ARHGEF3: variants seen among roughly 807,000 people sequenced by gnomAD.
The protein encoded by ARHGEF3 is Rho guanine nucleotide exchange factor 3, also known as 59.8 kDA protein.
A neutral mutation model predicts 63.2 loss-of-function variants in ARHGEF3; 28 were observed. That is an observed-to-expected ratio of 0.44 (90% CI 0.33 to 0.61). The LOEUF is 0.61. Among genes scored for constraint, ARHGEF3 ranks in the 20% least tolerant of loss-of-function variants. The probability of loss-of-function intolerance (pLI) is 0.03; values close to 1 mark genes in which losing one functional copy is unlikely to be tolerated. For synonymous variants in ARHGEF3, 266 were observed against 254.2 expected, an observed-to-expected ratio of 1.05 and a Z score of -0.44; for missense variants, 533 against 659.3, an observed-to-expected ratio of 0.81 and a Z score of 2.10.
At chr3:56,880,589 G>C (rs17057411) in intron 4 of ARHGEF3, among the ~76,000 whole-genome samples, 3,951 of 152,276 alleles carry the variant, frequency 0.026, 182 homozygotes, top group African/African-American at 0.089. Flanking sequence ...AGTCTTGCCT[G>C]AGTCATTACA....
At chr3:56,834,662 G>C (rs1444132413) in intron 4 of ARHGEF3, among the ~76,000 whole-genome samples, 1 of 151,280 alleles carries the variant, frequency 6.6e-6, no homozygotes, top group Admixed American at 6.6e-5. Flanking sequence ...CCTGAGGCAG[G>C]AGAGCTGCTT....
chr3:56,752,504 G>A (rs1421906963), intron 4 of ARHGEF3, among the ~76,000 whole-genome samples: 1 of 152,222 alleles, frequency 6.6e-6, no homozygotes, highest in Non-Finnish European at 1.5e-5. Flanking sequence ...TACAGAGAAG[G>A]AGGCAATAAA....
chr3:56,966,115 T>C (rs1700484483), intron 2 of ARHGEF3, among the ~76,000 whole-genome samples: 1 of 152,210 alleles, frequency 6.6e-6, no homozygotes, highest in Non-Finnish European at 1.5e-5. Context: ...GTCATATATA[T>C]GTAATAAAAA....
chr3:56,786,620 T>C (rs1236891456), intron 1 of ARHGEF3, among the ~76,000 whole-genome samples: 1 of 152,252 alleles, frequency 6.6e-6, no homozygotes, highest in South Asian at 2.1e-4. Flanking sequence ...ATCTGCAACC[T>C]TGAAACATAG....
chr3:56,971,796 G>C (rs1050580852), intron 2 of ARHGEF3, among the ~76,000 whole-genome samples: 1 of 152,020 alleles, frequency 6.6e-6, no homozygotes, highest in Non-Finnish European at 1.5e-5. Context: ...GGAGCTTGCA[G>C]TGAGCTGAGA....
intron 2 of ARHGEF3, among the ~76,000 whole-genome samples, chr3:57,017,065 CGA>C (rs72316020): frequency 0.011 from 1,685 of 148,820 alleles, 15 homozygotes; most frequent in South Asian, 0.019. Flanking sequence ...CACACACACA[CGA>C]GTCACCAAAC....
At chr3:56,929,568 T>C (rs1276982797) in intron 3 of ARHGEF3, among the ~76,000 whole-genome samples, 1 of 152,144 alleles carries the variant, frequency 6.6e-6, no homozygotes, top group African/African-American at 2.4e-5. Context: ...CCGGGTTCTG[T>C]TGCCACTAAT....
At chr3:57,062,664 G>A (rs1705293066) in intron 1 of ARHGEF3, among the ~76,000 whole-genome samples, 1 of 152,044 alleles carries the variant, frequency 6.6e-6, no homozygotes, top group Non-Finnish European at 1.5e-5. Flanking sequence ...ATATCTGGTG[G>A]GAATGACAGG....
At chr3:56,731,063 C>G (rs1031438815) in intron 9 of ARHGEF3, among the ~76,000 whole-genome samples, 5 of 152,196 alleles carry the variant, frequency 3.3e-5, no homozygotes, top group African/African-American at 1.2e-4. Flanking sequence ...CAATGCCTGG[C>G]ACATAGTCAG....
chr3:56,934,378 C>T (rs993680504), intron 3 of ARHGEF3, among the ~76,000 whole-genome samples: 2 of 152,234 alleles, frequency 1.3e-5, no homozygotes, highest in Admixed American at 1.3e-4. Flanking sequence ...TTTGAGGAGC[C>T]CTTCAGCCCA....
At chr3:56,778,899 G>C (rs1559932337) in intron 1 of ARHGEF3, among the ~76,000 whole-genome samples, 1 of 152,108 alleles carries the variant, frequency 6.6e-6, no homozygotes, top group East Asian at 1.9e-4. Flanking sequence ...TTCTTAGCTT[G>C]AGGCCCATAG....
At chr3:57,061,704 C>T (rs1705231692) in intron 1 of ARHGEF3, among the ~76,000 whole-genome samples, 1 of 152,166 alleles carries the variant, frequency 6.6e-6, no homozygotes, top group Non-Finnish European at 1.5e-5. Context: ...ACTCCTGTTA[C>T]ACTTTTAGGA....
intron 2 of ARHGEF3, among the ~76,000 whole-genome samples, chr3:57,012,615 G>A (rs1702749017): frequency 6.6e-6 from 1 of 152,210 alleles, no homozygotes; most frequent in African/African-American, 2.4e-5. Context: ...TGGGTAGAAT[G>A]ATTATCACCA....
intron 3 of ARHGEF3, among the ~76,000 whole-genome samples, chr3:56,922,608 A>G (rs1429450017): frequency 1.3e-5 from 2 of 152,230 alleles, no homozygotes; most frequent in Non-Finnish European, 1.5e-5. Context: ...AATATATAAC[A>G]AAAGCAAGAA....
intron 2 of ARHGEF3, among the ~76,000 whole-genome samples, chr3:56,961,415 A>G (rs558445487): frequency 3.9e-5 from 6 of 152,064 alleles, no homozygotes; most frequent in African/African-American, 1.4e-4. Context: ...GATGTGTCTG[A>G]CTCCAGATCC....
chr3:57,036,105 T>G (rs978176252), intron 1 of ARHGEF3, among the ~76,000 whole-genome samples: 2 of 152,132 alleles, frequency 1.3e-5, no homozygotes, highest in Non-Finnish European at 2.9e-5. Flanking sequence ...GGACACAATT[T>G]CAGTGAAACT....
At chr3:57,077,155 C>T (rs767732309) in intron 1 of ARHGEF3, among the ~76,000 whole-genome samples, 11 of 152,204 alleles carry the variant, frequency 7.2e-5, no homozygotes, top group Non-Finnish European at 1.3e-4. Context: ...AATTGCATCC[C>T]AGCCTAAAGG....
intron 2 of ARHGEF3, chr3:57,007,444 T>A: frequency 8.7e-7 from 1 of 1,150,204 alleles, no homozygotes; most frequent in Non-Finnish European, 1.1e-6. Flanking sequence ...AAGTGAGAAT[T>A]TGGTCTTCCA....
At position 56,991,991 on chromosome 3, in the gene ARHGEF3, T is replaced by C. The variant is rs186371062; in HGVS notation, c.63-33102A>G. On this transcript the variant is annotated intron_variant, in intron 2 of 12. Coordinates refer to the ARHGEF3 transcript ENST00000338458. ...TCCATAATATTTTTCCATAATTCACTCACTCACTCTCACTCTCTCTCCCCT... is the reference window on the plus strand; with the variant it reads ...TCCATAATATTTTTCCATAATTCACCCACTCACTCTCACTCTCTCTCCCCT... 4.6e-5 allele frequency among the ~76,000 whole-genome samples: 7 copies of C among 150,756 alleles called. No individual in the cohort carries two copies. In the South Asian group the frequency reaches 6.3e-4, roughly 14 times the overall value.
Sources: allele counts gnomAD v4.1 joint callset (sites outside exome capture counted in the v4.1 genomes callset), GRCh38; gene constraint gnomAD v4.1.1; transcripts MANE v1.5; gene names NCBI Gene and HGNC (gene_info 2026-07-23, HGNC 2026-07-21).